ZC3H6: variants seen among roughly 807,000 people sequenced by gnomAD.
ZC3H6 encodes the protein zinc finger CCCH-type containing 6, also known as zinc finger CCCH domain-containing protein 6.
ZC3H6 carries 40 observed loss-of-function variants against 107.7 expected under a neutral mutation model. The observed-to-expected ratio is 0.37, with a 90% CI of 0.29 to 0.48. The LOEUF (loss-of-function observed/expected upper bound fraction) is 0.48, where lower values mean the gene tolerates loss of function less well. Ranked by LOEUF, ZC3H6 falls within the 20% of genes least tolerant of loss-of-function variation. The pLI is 0.98. For synonymous variants in ZC3H6, 493 were observed against 487.9 expected (o/e 1.01, Z -0.14); for missense variants, 1,267 against 1,410.4 (o/e 0.90, Z 1.63).
chr2:112,306,603 G>A (rs1573956532), intron 3 of ZC3H6, among the ~76,000 whole-genome samples: 1 of 152,124 alleles, frequency 6.6e-6, no homozygotes, highest in East Asian at 1.9e-4. Context: ...ATAACTTTAG[G>A]CCTAGGATGA....
At chr2:112,318,166 T>C (rs766054331) in intron 7 of ZC3H6, among the ~76,000 whole-genome samples, 5 of 152,092 alleles carry the variant, frequency 3.3e-5, no homozygotes, top group Non-Finnish European at 7.4e-5. Context: ...GTGAATAAAA[T>C]GAAAAATGCC....
chr2:112,282,100 C>T (rs1686539224), intron 1 of ZC3H6, among the ~76,000 whole-genome samples: 1 of 152,206 alleles, frequency 6.6e-6, no homozygotes, highest in Non-Finnish European at 1.5e-5. Context: ...TCTTGGCAAA[C>T]TCACCACTCA....
At chr2:112,288,649 GTAAT>G (rs2104696947) in intron 1 of ZC3H6, among the ~76,000 whole-genome samples, 1 of 152,328 alleles carries the variant, frequency 6.6e-6, no homozygotes, top group Non-Finnish European at 1.5e-5. Context: ...ATGATGTTAA[GTAAT>G]TAGTTTTAAC....
intron 11 of ZC3H6, among the ~76,000 whole-genome samples, chr2:112,329,815 T>C (rs1676985917): frequency 6.6e-6 from 1 of 152,172 alleles, no homozygotes; most frequent in African/African-American, 2.4e-5. Context: ...GGCAAGAATG[T>C]GAACAGTAGA....
intron 1 of ZC3H6, among the ~76,000 whole-genome samples, chr2:112,289,247 C>T (rs941211380): frequency 6.6e-6 from 1 of 151,516 alleles, no homozygotes; most frequent in African/African-American, 2.4e-5. Context: ...ATCTGCCCAC[C>T]TCAGCCTCCC....
chr2:112,321,481 G>A (rs1676801746), intron 7 of ZC3H6, among the ~76,000 whole-genome samples: 2 of 151,934 alleles, frequency 1.3e-5, no homozygotes, highest in East Asian at 3.9e-4. Context: ...AAGCTGATGT[G>A]ATTATAGTAA....
intron 11 of ZC3H6, among the ~76,000 whole-genome samples, chr2:112,326,891 G>A (rs1383534843): frequency 6.6e-6 from 1 of 152,120 alleles, no homozygotes; most frequent in Non-Finnish European, 1.5e-5. Context: ...GGGATTACAG[G>A]TGTGCGCCAC....
At chr2:112,324,063 G>A in intron 9 of ZC3H6, 89 bp from the exon 10 acceptor site, 4 of 1,393,674 alleles carry the variant, frequency 2.9e-6, no homozygotes, top group South Asian at 1.5e-5. Flanking sequence ...TGTAAAAAAA[G>A]TACTTAACCA....
intron 1 of ZC3H6, among the ~76,000 whole-genome samples, chr2:112,297,842 C>A (rs1406234081): frequency 6.6e-6 from 1 of 152,134 alleles, no homozygotes; most frequent in Admixed American, 6.5e-5. Context: ...TGGCTGGGCA[C>A]GGTGGCTTGC....
intron 1 of ZC3H6, among the ~76,000 whole-genome samples, chr2:112,292,374 C>G (rs1196011979): frequency 2.0e-5 from 3 of 152,304 alleles, no homozygotes; most frequent in Middle Eastern, 3.4e-3. Context: ...ATTTTTCGTT[C>G]CATTGCAAAA....
At chr2:112,322,135 C>T (rs1010958006) in intron 8 of ZC3H6, among the ~76,000 whole-genome samples, 7 of 149,514 alleles carry the variant, frequency 4.7e-5, no homozygotes, top group African/African-American at 1.5e-4. Context: ...CTCCTTCCCT[C>T]CTTCCCTCCT....
rs758583188 is a variant in ZC3H6, at chr2:112,331,052, A to C, written c.2134A>C (p.Ser712Arg). Reference sequence around the variant, plus strand: ...CAGTAGTGAAGAGGAAGAAGGAAGCAGTGTCAAATCAATACTGAAAACATT... The same window carrying C: ...CAGTAGTGAAGAGGAAGAAGGAAGCCGTGTCAAATCAATACTGAAAACATT... The part of the protein sequence containing the change: ...YSSSEEEEGS[S>R]VKSILKTLQK... Residue 712 changes from serine to arginine, a missense_variant, in exon 12 of 12, where the codon AGT (serine) becomes CGT (arginine). Physicochemically the swap from Ser to Arg is moderately radical, Grantham distance 110. Around this residue, in one of 3 missense-constraint regions of ZC3H6, gnomAD observed 925 missense variants for 1,025.7 expected, o/e 0.90. Transcript: ENST00000409871. The C allele has an allele frequency of 1.9e-6, 3 of 1,571,194 alleles. No individual in the cohort carries two copies. Among genetic ancestry groups the C allele is most frequent in the Non-Finnish European group, 2.6e-6 (3 of 1,159,514 alleles).
chr2:112,311,365 C>T (rs1676587387), intron 4 of ZC3H6, among the ~76,000 whole-genome samples: 1 of 152,046 alleles, frequency 6.6e-6, no homozygotes, highest in South Asian at 2.1e-4. Flanking sequence ...TTTTCAAAAA[C>T]AAAAGAAGTA....
intron 5 of ZC3H6, among the ~76,000 whole-genome samples, chr2:112,313,542 C>T (rs952557786): frequency 3.3e-5 from 5 of 152,058 alleles, no homozygotes; most frequent in Admixed American, 1.3e-4. Context: ...TCTAAGGGCC[C>T]CATCAAGCAC....
intron 3 of ZC3H6, among the ~76,000 whole-genome samples, chr2:112,308,850 G>A (rs540068755): frequency 3.2e-4 from 48 of 151,218 alleles, no homozygotes; most frequent in South Asian, 1.9e-3. Flanking sequence ...TCAGGAGTTC[G>A]AGACCAGCCT....
chr2:112,299,000 G>A (rs1306167875), intron 1 of ZC3H6, among the ~76,000 whole-genome samples: 3 of 152,148 alleles, frequency 2.0e-5, no homozygotes, highest in African/African-American at 7.2e-5. Flanking sequence ...TTGGCCGGGT[G>A]TGGTGGGTGG....
In ZC3H6 at chr2:112,332,358, A is replaced by G; in HGVS notation, c.3440A>G (p.Asp1147Gly). 1.2e-6 allele frequency: 2 copies of G among 1,613,934 alleles called. No individual in the cohort carries two copies. The highest frequency in any genetic ancestry group is 1.7e-6 in the Non-Finnish European group (2 of 1,179,880). Residue 1147 changes from aspartate (D) to glycine (G), a missense_variant, in exon 12 of 12, where the codon GAT becomes GGT. Around this residue, in one of 3 missense-constraint regions of ZC3H6, gnomAD observed 925 missense variants for 1,025.7 expected, o/e 0.90. Transcript: ENST00000409871. Reference protein sequence around the residue: ...LTGLIRPQYSDPRQARQPGQG... With the variant: ...LTGLIRPQYSGPRQARQPGQG... ...GGCTTAATTAGGCCACAGTACAGTG[A>G]TCCAAGGCAGGCAAGGCAGCCAGGA...
chr2:112,304,602 T>A (rs985373812), intron 3 of ZC3H6, among the ~76,000 whole-genome samples: 9 of 152,218 alleles, frequency 5.9e-5, no homozygotes, highest in Non-Finnish European at 1.0e-4. Flanking sequence ...AGAGCCCACT[T>A]TAACAGCCTC....
Position 112,331,149 on chromosome 2 carries a change from G to C in ZC3H6, c.2231G>C (p.Arg744Thr), listed in dbSNP as rs1301592216. The C allele has an allele frequency of 1.2e-6, 2 of 1,613,548 alleles. No homozygotes were observed. Among genetic ancestry groups the C allele is most frequent in the Admixed American group, 1.7e-5 (1 of 59,920 alleles). The change falls in exon 12 of 12, where the codon AGA becomes ACA. Residue 744 changes from arginine (R) to threonine (T), a missense_variant. By Grantham distance (71) the Arg-to-Thr change is moderately conservative. Coordinates refer to ENST00000409871, the MANE Select transcript of ZC3H6 (RefSeq NM_198581.3). The part of the protein sequence containing the change: ...STELSTPTDP[R>T]LAKEKSKGNQ... ...GAACTCAGCACTCCTACTGATCCAA[G>C]ACTTGCTAAAGAGAAAAGTAAAGGA... is the stretch of plus-strand genomic sequence containing the variant.
Sources: allele counts gnomAD v4.1 joint callset (sites outside exome capture counted in the v4.1 genomes callset), GRCh38; gene constraint gnomAD v4.1.1; regional missense constraint gnomAD v4.1.1; transcripts MANE v1.5; gene names NCBI Gene and HGNC (gene_info 2026-07-23, HGNC 2026-07-21).